TTC6: variants seen among roughly 807,000 people sequenced by gnomAD.
TTC6 encodes tetratricopeptide repeat protein 6.
A neutral mutation model predicts 210.4 loss-of-function variants in TTC6; 172 were observed. The ratio of observed to expected loss-of-function variants is 0.82; its 90% CI spans 0.72 to 0.93. TTC6 has a LOEUF of 0.93. TTC6 is among the 40% of genes least tolerant of loss of function. The pLI, the probability that TTC6 is intolerant of heterozygous loss-of-function variation, is 0.00. For missense variants in TTC6, 2,414 were observed against 2,318.1 expected (o/e 1.04, Z -0.85); for synonymous variants, 804 against 819.6 (o/e 0.98, Z 0.32).
At position 37,817,568 on chromosome 14, in the gene TTC6, A is replaced by G. The variant is rs1184514158; in HGVS notation, c.4690-10A>G. 1.9e-6 allele frequency: 3 copies of G among 1,612,984 alleles called. No individual in the cohort carries two copies. The East Asian group carries it at 6.7e-5, about 36-fold the overall frequency. ...TGCAAAATTAACAAAAGCTTATAACATTATTTCAGGATTTTAAACAAGCTG... is the reference window on the plus strand; with the variant it reads ...TGCAAAATTAACAAAAGCTTATAACGTTATTTCAGGATTTTAAACAAGCTG... On this transcript the variant is annotated splice_polypyrimidine_tract_variant and intron_variant, in intron 25 of 30. Transcript: ENST00000553443.
At chr14:37,683,590 A>C (rs1307770253) in intron 3 of TTC6, among the ~76,000 whole-genome samples, 1 of 152,092 alleles carries the variant, frequency 6.6e-6, no homozygotes. Flanking sequence ...TATTCACATA[A>C]ATTTTATTAC....
intron 1 of TTC6, among the ~76,000 whole-genome samples, chr14:37,643,355 CAAAA>C (rs1161082449): frequency 1.3e-5 from 2 of 151,934 alleles, no homozygotes; most frequent in East Asian, 1.9e-4. Context: ...CAAAAACAAA[CAAAA>C]AAGAATTCTT....
intron 3 of TTC6, among the ~76,000 whole-genome samples, chr14:37,688,233 T>A (rs1387107506): frequency 6.6e-6 from 1 of 151,022 alleles, no homozygotes; most frequent in Non-Finnish European, 1.5e-5. Flanking sequence ...GGGAGAAGAG[T>A]GGGAAGGATT....
At chr14:37,711,499 A>T (rs947521579) in intron 5 of TTC6, among the ~76,000 whole-genome samples, 2 of 152,158 alleles carry the variant, frequency 1.3e-5, no homozygotes, top group Non-Finnish European at 2.9e-5. Flanking sequence ...GCCACTCATT[A>T]CTATAATGGC....
intron 20 of TTC6, 53 bp from the exon 23 acceptor site, chr14:37,804,627 C>T (rs1378105688): frequency 6.3e-7 from 1 of 1,587,956 alleles, no homozygotes; most frequent in African/African-American, 1.4e-5. Flanking sequence ...AACGTTAAAT[C>T]AATAGTGGAA....
At chr14:37,596,174 C>G (rs897895243) in intron 1 of TTC6, 166 bp downstream of exon 1, 1 of 152,406 alleles carries the variant, frequency 6.6e-6, no homozygotes, top group Non-Finnish European at 1.5e-5. Flanking sequence ...CCGTCCTCCC[C>G]CTGCCGGGCT....
At chr14:37,792,817 T>TGG (rs2096083466) in intron 17 of TTC6, among the ~76,000 whole-genome samples, 1 of 147,994 alleles carries the variant, frequency 6.8e-6, no homozygotes, top group African/African-American at 2.5e-5. Flanking sequence ...TGTGTGTGTG[T>TGG]GTACAGGTGA....
At chr14:37,601,022 T>A (rs1317762232) in intron 1 of TTC6, among the ~76,000 whole-genome samples, 1 of 152,232 alleles carries the variant, frequency 6.6e-6, no homozygotes, top group Non-Finnish European at 1.5e-5. Context: ...GCTGGGTTAC[T>A]AGCAAGATTT....
intron 20 of TTC6, among the ~76,000 whole-genome samples, chr14:37,797,916 A>C (rs887242345): frequency 6.6e-6 from 1 of 152,098 alleles, no homozygotes; most frequent in Admixed American, 6.6e-5. Context: ...TTCTTAACCC[A>C]AAAATCTGCA....
chr14:37,683,630 T>A (rs1282915084), intron 3 of TTC6, among the ~76,000 whole-genome samples: 2 of 152,136 alleles, frequency 1.3e-5, no homozygotes. Context: ...ATTGTATTAT[T>A]AGTTATGGTT....
intron 14 of TTC6, among the ~76,000 whole-genome samples, chr14:37,785,436 C>T (rs945843605): frequency 5.9e-5 from 9 of 152,298 alleles, no homozygotes; most frequent in Middle Eastern, 3.4e-3. Context: ...GCATGCATCA[C>T]GTAGTTCTTG....
chr14:37,817,047 T>C (rs1290304010), intron 25 of TTC6, among the ~76,000 whole-genome samples: 1 of 152,124 alleles, frequency 6.6e-6, no homozygotes, highest in African/African-American at 2.4e-5. Flanking sequence ...TATGGATCCT[T>C]GACAAGAGAC....
chr14:37,675,025 C>A (rs1351424652), intron 1 of TTC6, among the ~76,000 whole-genome samples: 1 of 151,948 alleles, frequency 6.6e-6, no homozygotes, highest in African/African-American at 2.4e-5. Context: ...TGTGTACCTG[C>A]TATTTTCAAG....
chr14:37,762,225 T>C (rs1413549112), intron 14 of TTC6, among the ~76,000 whole-genome samples: 1 of 152,204 alleles, frequency 6.6e-6, no homozygotes, highest in Non-Finnish European at 1.5e-5. Flanking sequence ...CTTATTCATC[T>C]GTTGATAGAC....
chr14:37,738,962 A>G, exon 10 of TTC6: 1 of 1,535,470 alleles, frequency 6.5e-7, no homozygotes, highest in South Asian at 1.2e-5. Context: ...TATAGATGAC[A>G]TCTTTGATAA....
chr14:37,773,004 A>T (rs528793874), intron 14 of TTC6, among the ~76,000 whole-genome samples: 16 of 152,108 alleles, frequency 1.1e-4, no homozygotes, highest in Non-Finnish European at 1.9e-4. Flanking sequence ...ACGATTAGTG[A>T]TATTGAGCAT....
At chr14:37,630,254 T>G (rs2095667073) in intron 1 of TTC6, among the ~76,000 whole-genome samples, 1 of 152,212 alleles carries the variant, frequency 6.6e-6, no homozygotes, top group Non-Finnish European at 1.5e-5. Flanking sequence ...GCTTTAGCTG[T>G]ATCCCAGAGA....
At chr14:37,784,605 C>G (rs1186088090) in intron 14 of TTC6, among the ~76,000 whole-genome samples, 2 of 152,140 alleles carry the variant, frequency 1.3e-5, no homozygotes, top group African/African-American at 4.8e-5. Flanking sequence ...TTAATTGGAG[C>G]ATTTAGCCCA....
At chr14:37,841,753 T>C in intron 30 of TTC6, 83 bp downstream of exon 32, 4 of 1,069,044 alleles carry the variant, frequency 3.7e-6, no homozygotes, top group Non-Finnish European at 5.4e-6. Context: ...AATCATTAGG[T>C]CTATTTATTT....
Sources: allele counts gnomAD v4.1 joint callset (sites outside exome capture counted in the v4.1 genomes callset), GRCh38; gene constraint gnomAD v4.1.1; transcripts MANE v1.5; gene names NCBI Gene and HGNC (gene_info 2026-07-23, HGNC 2026-07-21).